The following MLKL variants were observed in gnomAD, a reference collection of about 807,000 sequenced individuals.
MLKL encodes the protein mixed lineage kinase domain like pseudokinase.
In MLKL, 55 loss-of-function variants were observed where a neutral mutation model predicts 56.5. The ratio of observed to expected loss-of-function variants is 0.97; its 90% CI spans 0.78 to 1.22. The LOEUF (loss-of-function observed/expected upper bound fraction) is 1.22, where lower values mean the gene tolerates loss of function less well. Among genes scored for constraint, MLKL ranks in the 50% most tolerant of loss-of-function variants. MLKL has a pLI of 0.00. For synonymous variants in MLKL, 251 were observed against 208.3 expected (o/e 1.20, Z -1.76); for missense variants, 694 against 573.9 (o/e 1.21, Z -2.14).
At chr16:74,683,814 G>A (rs776882612) in intron 5 of MLKL, among the ~76,000 whole-genome samples, 5 of 152,112 alleles carry the variant, frequency 3.3e-5, no homozygotes, top group Admixed American at 6.5e-5. Flanking sequence ...ACATGGCAGG[G>A]GCGGGTGAGG....
chr16:74,688,184 G>C (rs1284804810), intron 4 of MLKL, among the ~76,000 whole-genome samples: 1 of 151,320 alleles, frequency 6.6e-6, no homozygotes, highest in African/African-American at 2.4e-5. Context: ...TGGCTAGGCT[G>C]GTCTCAAACT....
At chr16:74,681,317 G>A (rs967368703) in intron 6 of MLKL, among the ~76,000 whole-genome samples, 6 of 152,008 alleles carry the variant, frequency 3.9e-5, no homozygotes, top group African/African-American at 9.7e-5. Flanking sequence ...TGAGCCACTG[G>A]GCCAGGCCTT....
At chr16:74,696,528 G>A (rs1246392750) in intron 1 of MLKL, among the ~76,000 whole-genome samples, 1 of 151,222 alleles carries the variant, frequency 6.6e-6, no homozygotes, top group Non-Finnish European at 1.5e-5. Context: ...GGCTCCCACC[G>A]ATAATCCCAG....
At chr16:74,672,643 C>T (rs1480943531) in intron 10 of MLKL, 105 bp from the exon 11 acceptor site, 2 of 1,050,292 alleles carry the variant, frequency 1.9e-6, no homozygotes, top group Non-Finnish European at 2.9e-6. Flanking sequence ...AACTGCATTC[C>T]CCCTGGTCTG....
chr16:74,678,270 T>C (rs1959726788), intron 7 of MLKL: 1 of 152,730 alleles, frequency 6.5e-6, no homozygotes, highest in African/African-American at 2.4e-5. Context: ...TGAGTCTGAG[T>C]CCTTAAACCT....
Position 74,695,684 on chromosome 16 carries a change from T to C in MLKL, c.74A>G (p.Lys25Arg), listed in dbSNP as rs1398800197. 2 of 1,614,170 alleles carry C rather than the reference T, an allele frequency of 1.2e-6. No homozygotes were observed. The highest frequency in any genetic ancestry group is 1.7e-6 in the Non-Finnish European group (2 of 1,180,038). Reference sequence around the variant, plus strand: ...GTGGCCCAGGCGCCGGCACTGTTTCTTGCAGTATTTCATCTCTTCACACCG... The same window carrying C: ...GTGGCCCAGGCGCCGGCACTGTTTCCTGCAGTATTTCATCTCTTCACACCG... Reference protein sequence around the residue: ...HKRCEEMKYCKKQCRRLGHRV... With the variant: ...HKRCEEMKYCRKQCRRLGHRV... Residue 25 changes from lysine to arginine, a missense_variant, in exon 2 of 11, where the codon AAG becomes AGG. Transcript: ENST00000308807.
At chr16:74,690,042 A>G (rs1380412844) in intron 4 of MLKL, among the ~76,000 whole-genome samples, 1 of 152,232 alleles carries the variant, frequency 6.6e-6, no homozygotes, top group Non-Finnish European at 1.5e-5. Context: ...CTTTATTTCC[A>G]CAATATACAA....
rs377206903 is a variant in MLKL at position 74,675,690 on chromosome 16, G to C, written c.1113C>G (p.Val371=). The part of the protein sequence containing the change: ...LGTTREKTDR[V]KSTAYLSPQE... ...GAGGTGAGAGATATGCTGTAGATTTGACTCTGTCTGTCTTTTCTCTCGTAG... is the reference window on the plus strand; with the variant it reads ...GAGGTGAGAGATATGCTGTAGATTTCACTCTGTCTGTCTTTTCTCTCGTAG... Residue 371 remains valine (V), a synonymous_variant, in exon 8 of 11, where the codon GTC becomes GTG. Transcript: ENST00000308807. 17 of 1,613,626 alleles carry C rather than the reference G, an allele frequency of 1.1e-5. No homozygotes were observed. The African/African-American group carries it at 2.1e-4, about 20-fold the overall frequency.
chr16:74,691,432 C>G lies in MLKL; in HGVS notation c.567G>C (p.Pro189=). The change falls in exon 4 of 11, where the codon CCG becomes CCC. Residue 189 remains proline, a synonymous_variant. Transcript: ENST00000308807. The part of the protein sequence containing the change: ...YLPPKCMQEI[P]QEQIKEIKKE... ...TCTTGATCTCCTTGATTTGCTCTTG[C>G]GGGATCTCCTGCATGCATTTTGGTG... 6.2e-7 allele frequency: 1 copy of G among 1,613,702 alleles called. No individual in the cohort carries two copies. The highest frequency in any genetic ancestry group is 1.7e-5 in the Admixed American group (1 of 59,916).
At chr16:74,682,930 T>G in intron 5 of MLKL, 144 bp from the exon 6 acceptor site, 2 of 964,354 alleles carry the variant, frequency 2.1e-6, no homozygotes, top group Non-Finnish European at 3.0e-6. Flanking sequence ...CCCACAGTTT[T>G]GGTCCCCGGC....
At chr16:74,695,029 T>C (rs573058003) in intron 2 of MLKL, among the ~76,000 whole-genome samples, 179 of 152,114 alleles carry the variant, frequency 1.2e-3, no homozygotes, top group Non-Finnish European at 2.1e-3. Context: ...CCCGCCACCA[T>C]GCCCGGCTAA....
chr16:74,687,196 G>A (rs1004782414), intron 4 of MLKL, among the ~76,000 whole-genome samples: 1 of 151,828 alleles, frequency 6.6e-6, no homozygotes, highest in Non-Finnish European at 1.5e-5. Context: ...GACTAGTCTC[G>A]AACTCCTGAC....
intron 7 of MLKL, chr16:74,676,234 G>A (rs1006765905): frequency 1.0e-6 from 1 of 992,282 alleles, no homozygotes; most frequent in Non-Finnish European, 1.2e-6. Context: ...ACTTTATGGG[G>A]GGTCAGCCTG....
intron 6 of MLKL, among the ~76,000 whole-genome samples, chr16:74,680,495 G>GTTTTTGT (rs539688749): frequency 0.054 from 8,206 of 151,178 alleles, 240 homozygotes; most frequent in Non-Finnish European, 0.065. Context: ...TTGTTTTTTT[G>GTTTTTGT]TTTTTGTTTT....
intron 1 of MLKL, among the ~76,000 whole-genome samples, chr16:74,698,640 G>T (rs537677113): frequency 6.6e-6 from 1 of 152,180 alleles, no homozygotes; most frequent in Non-Finnish European, 1.5e-5. Flanking sequence ...TGGCAATGTT[G>T]TTCAAGGAAT....
At chr16:74,695,022 G>A (rs1188437693) in intron 2 of MLKL, among the ~76,000 whole-genome samples, 6 of 152,076 alleles carry the variant, frequency 3.9e-5, no homozygotes, top group South Asian at 4.1e-4. Flanking sequence ...ACAGGCGCCC[G>A]CCACCATGCC....
intron 1 of MLKL, among the ~76,000 whole-genome samples, chr16:74,699,873 C>T (rs1297927246): frequency 6.6e-6 from 1 of 151,942 alleles, no homozygotes; most frequent in Non-Finnish European, 1.5e-5. Context: ...CCCATGAGTT[C>T]GGAGGCTGCA....
intron 1 of MLKL, among the ~76,000 whole-genome samples, chr16:74,696,007 G>T (rs1320789154): frequency 6.6e-6 from 1 of 152,196 alleles, no homozygotes; most frequent in Non-Finnish European, 1.5e-5. Context: ...AACTTGATGT[G>T]GCCATGTGAC....
At chr16:74,692,292 G>A in intron 3 of MLKL, 50 bp downstream of exon 3, 2 of 1,513,670 alleles carry the variant, frequency 1.3e-6, no homozygotes, top group Non-Finnish European at 1.8e-6. Context: ...GTAAACTGAT[G>A]ACTTCTAGTT....
Sources: allele counts gnomAD v4.1 joint callset (sites outside exome capture counted in the v4.1 genomes callset), GRCh38; gene constraint gnomAD v4.1.1; transcripts MANE v1.5; gene names NCBI Gene and HGNC (gene_info 2026-07-23, HGNC 2026-07-21).